The following NSF variants were observed in gnomAD, a reference collection of about 807,000 sequenced individuals.
NSF encodes N-ethylmaleimide sensitive factor, vesicle fusing ATPase.
A neutral mutation model predicts 50.3 loss-of-function variants in NSF; 14 were observed. That is an observed-to-expected ratio of 0.28 (90% CI 0.18 to 0.44). NSF has a LOEUF of 0.44. NSF is among the 20% of genes least tolerant of loss of function. NSF has a pLI of 1.00. For synonymous variants in NSF, 109 were observed against 175.7 expected (o/e 0.62, Z 3.00); for missense variants, 218 against 504.3 (o/e 0.43, Z 5.44).
rs957604612 is a variant in NSF at position 46,755,439 on chromosome 17, A to G, written c.2213+70A>G. 8.0e-6 allele frequency: 10 copies of G among 1,254,268 alleles called. No homozygotes were observed. In the African/African-American group the frequency reaches 1.5e-4, roughly 18 times the overall value. 77.7% of individuals were successfully genotyped at this position (1,254,268 alleles called of 1,614,324 possible). On this transcript the variant is annotated intron_variant, in intron 20 of 20. Transcript: ENST00000398238. ...CCTGTTAAATCCCTGTGCCTATTCT[A>G]AGAGTTGCTTTCCTAGATAAGTTTG...
chr17:46,733,869 T>G (rs771406973), intron 17 of NSF, among the ~76,000 whole-genome samples: 1 of 152,214 alleles, frequency 6.6e-6, no homozygotes, highest in Non-Finnish European at 1.5e-5. Flanking sequence ...TATGATGTTG[T>G]TGAGAATAGT....
chr17:46,715,908 C>T (rs768804863), intron 15 of NSF, among the ~76,000 whole-genome samples: 88 of 152,174 alleles, frequency 5.8e-4, no homozygotes, highest in Middle Eastern at 3.4e-3. Context: ...ATTCACTGTC[C>T]GGATCATCCG....
intron 1 of NSF, among the ~76,000 whole-genome samples, chr17:46,605,189 C>T (rs1404645179): frequency 1.2e-4 from 8 of 69,430 alleles, no homozygotes; most frequent in African/African-American, 2.9e-4. Context: ...TGGTGGCTCA[C>T]GCCTGTAATC....
chr17:46,635,173 TGTGGTCCATGGATTGGA>T lies in NSF; in HGVS notation c.239-2200_239-2184del, dbSNP rs2058171311. On this transcript the variant is annotated intron_variant, in intron 4 of 20. Transcript: ENST00000398238. ...TTGGTTAAAGGCTTTTTCTTGGAGG[TGTGGTCCATGGATTGGA>T]GTTCTGTATTATCTTTTGTGCATAC... Among the ~76,000 whole-genome samples, 2 of 137,744 alleles carry T rather than the reference TGTGGTCCATGGATTGGA, an allele frequency of 1.5e-5. 1 individual carries two copies. The highest frequency in any genetic ancestry group is 5.4e-5 in the African/African-American group (2 of 37,270). 90.4% of individuals were successfully genotyped at this position (137,744 alleles called of 152,430 possible). A position where few individuals can be genotyped will look rare whatever the true frequency, so the allele number is the denominator to read the frequency against.
At chr17:46,733,731 G>A (rs984731763) in intron 17 of NSF, among the ~76,000 whole-genome samples, 1 of 152,174 alleles carries the variant, frequency 6.6e-6, no homozygotes. Flanking sequence ...CTCATTTGAA[G>A]CTCAACGATT....
At position 46,704,845 on chromosome 17, in the gene NSF, T is replaced by C; in HGVS notation, c.1461T>C (p.Asp487=). The C allele has an allele frequency of 6.3e-7, 1 of 1,599,216 alleles. No individual in the cohort carries two copies. The highest frequency in any genetic ancestry group is 8.5e-7 in the Non-Finnish European group (1 of 1,176,798). Reference sequence around the variant, plus strand: ...ACTTCCTTGCTTCTTTGGAGAATGATATCAAACCAGTGAGTATGCCCATTG... The same window carrying C: ...ACTTCCTTGCTTCTTTGGAGAATGACATCAAACCAGTGAGTATGCCCATTG... The part of the protein sequence containing the change: ...RGDFLASLEN[D]IKPAFGTNQE... Residue 487 remains aspartate (D), a synonymous_variant, in exon 13 of 21, where the codon GAT becomes GAC. Transcript: ENST00000398238.
chr17:46,747,861 C>T (rs2059146609), intron 17 of NSF, among the ~76,000 whole-genome samples: 1 of 151,950 alleles, frequency 6.6e-6, no homozygotes, highest in Non-Finnish European at 1.5e-5. Context: ...AAATGTATTT[C>T]CTAGAACTGA....
chr17:46,743,238 T>G (rs1351348753), intron 17 of NSF, among the ~76,000 whole-genome samples: 1 of 152,138 alleles, frequency 6.6e-6, no homozygotes, highest in African/African-American at 2.4e-5. Context: ...TGTGTTTGTT[T>G]TTGGGAAGAG....
chr17:46,749,417 C>A (rs1423437715), intron 17 of NSF, among the ~76,000 whole-genome samples: 17 of 152,214 alleles, frequency 1.1e-4, no homozygotes, highest in Admixed American at 9.8e-4. Flanking sequence ...CTATTCATTT[C>A]ATCTTTTTTC....
intron 4 of NSF, among the ~76,000 whole-genome samples, chr17:46,635,950 C>G (rs2146162472): frequency 2.6e-5 from 2 of 76,714 alleles, no homozygotes; most frequent in Middle Eastern, 0.017. Context: ...TCTACTCTTT[C>G]CTAATAGTAC....
chr17:46,630,979 C>G (rs1419404776), intron 4 of NSF, among the ~76,000 whole-genome samples: 2 of 138,058 alleles, frequency 1.4e-5, no homozygotes, highest in African/African-American at 3.0e-5. Flanking sequence ...TGTATACTAC[C>G]TTTACCCAGC....
intron 17 of NSF, among the ~76,000 whole-genome samples, chr17:46,746,213 A>G (rs1236978305): frequency 6.6e-6 from 1 of 152,214 alleles, no homozygotes; most frequent in Non-Finnish European, 1.5e-5. Flanking sequence ...TTCCTCAAAT[A>G]ATAATAATGA....
intron 15 of NSF, among the ~76,000 whole-genome samples, chr17:46,718,631 A>G (rs1396112020): frequency 6.6e-6 from 1 of 152,220 alleles, no homozygotes; most frequent in Non-Finnish European, 1.5e-5. Flanking sequence ...GTAGTATAAC[A>G]TGACCGAGAA....
chr17:46,721,510 T>A, intron 15 of NSF: 1 of 949,202 alleles, frequency 1.1e-6, no homozygotes, highest in Non-Finnish European at 1.7e-6. Context: ...AACTTCATAA[T>A]AGAACTGGGC....
In NSF at chr17:46,676,118, A is replaced by G. The variant is rs1006752004; in HGVS notation, c.945+1505A>G. On this transcript the variant is annotated intron_variant, in intron 9 of 20. Coordinates refer to ENST00000398238, the MANE Select transcript of NSF (RefSeq NM_006178.4). ...TGGTACCTTCAAAGGGGTTGTGTCT[A>G]TGAAAAGAGTGGACTAGAAAATATC... 9.0e-4 allele frequency among the ~76,000 whole-genome samples: 123 copies of G among 136,520 alleles called. 3 individuals carry two copies. Among genetic ancestry groups the G allele is most frequent in the African/African-American group, 3.6e-3 (121 of 33,692 alleles). The allele number at this position is 136,520 out of a possible 152,430, so 89.6% of individuals were successfully genotyped here.
chr17:46,708,791 G>T, intron 13 of NSF, among the ~76,000 whole-genome samples: 1 of 134,042 alleles, frequency 7.5e-6, no homozygotes, highest in South Asian at 2.4e-4. Flanking sequence ...ACTGCACTTG[G>T]CCACCATTTA....
At chr17:46,661,410 T>TATTATTATTATTATTATTA (rs1568023993) in intron 8 of NSF, among the ~76,000 whole-genome samples, 3 of 102,176 alleles carry the variant, frequency 2.9e-5, no homozygotes, top group African/African-American at 1.2e-4. Flanking sequence ...TTATTATTAT[T>TATTATTATTATTATTATTA]TTTGAGATGG....
rs1486006822 is a variant in NSF, at chr17:46,756,990, C to CCT, written c.*1175_*1176dup. The CCT allele has an allele frequency of 6.6e-6, 1 of 152,192 alleles. No homozygotes were observed. The highest frequency in any genetic ancestry group is 1.5e-5 in the Non-Finnish European group (1 of 68,026). 9.4% of individuals were successfully genotyped at this position (152,192 alleles called of 1,614,324 possible). On this transcript the variant is annotated 3_prime_UTR_variant, in exon 21 of 21. Coordinates refer to ENST00000398238, the MANE Select transcript of NSF (RefSeq NM_006178.4). ...TTGGTGATGAGACTTATGGAGTGTGCCTCTCTCTCCCAACTGCTGCTTAAA... is the reference window on the plus strand; with the variant it reads ...TTGGTGATGAGACTTATGGAGTGTGCCTCTCTCTCTCCCAACTGCTGCTTAAA...
chr17:46,733,923 A>G (rs1427748153), intron 17 of NSF, among the ~76,000 whole-genome samples: 2 of 152,326 alleles, frequency 1.3e-5, no homozygotes, highest in African/African-American at 4.8e-5. Flanking sequence ...ACCTAATAAG[A>G]GAGAAATACA....
Sources: gnomAD v4.1 joint callset for allele counts (sites outside exome capture counted in the v4.1 genomes callset) on GRCh38, gnomAD v4.1.1 for gene constraint, MANE v1.5 for transcripts, NCBI Gene and HGNC (gene_info 2026-07-23, HGNC 2026-07-21) for gene names.